MDFI: variants seen among roughly 807,000 people sequenced by gnomAD.
The protein encoded by MDFI is inhibitor of MyoD family a.
In MDFI, 16 loss-of-function variants were observed where a neutral mutation model predicts 22.3. The ratio of observed to expected loss-of-function variants is 0.72; its 90% CI spans 0.49 to 1.09. MDFI has a LOEUF of 1.09. Among genes scored for constraint, MDFI ranks in the 50% least tolerant of loss-of-function variants. The pLI, the probability that MDFI is intolerant of heterozygous loss-of-function variation, is 0.00. For synonymous variants in MDFI, 145 were observed against 142.7 expected, an observed-to-expected ratio of 1.02 and a Z score of -0.12; for missense variants, 314 against 326.1, an observed-to-expected ratio of 0.96 and a Z score of 0.29.
upstream of MDFI, among the ~76,000 whole-genome samples, chr6:41,637,589 G>T (rs1767684307): frequency 6.6e-6 from 1 of 152,096 alleles, no homozygotes; most frequent in South Asian, 2.1e-4. The surrounding 1 kb of genome is among the most constrained non-coding windows in gnomAD (Gnocchi z 6.8). Flanking sequence ...CATTCTCGGG[G>T]ACCAGGTTCC....
At chr6:41,637,431 T>G (rs767690063), upstream of MDFI, among the ~76,000 whole-genome samples, 9 of 151,866 alleles carry the variant, frequency 5.9e-5, no homozygotes, top group Non-Finnish European at 1.0e-4. This position sits in a 1 kb window ranked among gnomAD's most constrained non-coding sequence, Gnocchi z 6.8. Context: ...TCACTGGCCC[T>G]CGTGGCGGGG....
At chr6:41,651,150 G>C (rs1768258178) in intron 4 of MDFI, among the ~76,000 whole-genome samples, 1 of 131,152 alleles carries the variant, frequency 7.6e-6, no homozygotes, top group Non-Finnish European at 1.7e-5. Context: ...TTGCACTCCA[G>C]CCTGGGCAAC....
chr6:41,638,469 G>A lies in MDFI; in HGVS notation c.-195G>A. 1 of 481,416 alleles carries A rather than the reference G, an allele frequency of 2.1e-6. No homozygotes were observed. The highest frequency in any genetic ancestry group is 3.7e-6 in the Non-Finnish European group (1 of 271,996). The allele number at this position is 481,416 out of a possible 1,614,324, so 29.8% of individuals were successfully genotyped here. On this transcript the variant is annotated 5_prime_UTR_variant, in exon 1 of 5. Coordinates refer to ENST00000230321, the MANE Select transcript of MDFI (RefSeq NM_005586.4). The surrounding 1 kb of genome is among the most constrained non-coding windows in gnomAD (Gnocchi z 7.6). Reference sequence around the variant, plus strand: ...AGGGGGGCTGGAGGGAGAGAAGGAAGAAGGAAGGGGCGAACGGCGTGAGCT... The same window carrying A: ...AGGGGGGCTGGAGGGAGAGAAGGAAAAAGGAAGGGGCGAACGGCGTGAGCT...
intron 4 of MDFI, among the ~76,000 whole-genome samples, chr6:41,652,449 A>C (rs532355468): frequency 4.6e-5 from 7 of 152,300 alleles, no homozygotes; most frequent in Admixed American, 1.3e-4. Context: ...GCCAGGATCC[A>C]ACAGGTATTT....
intron 2 of MDFI, among the ~76,000 whole-genome samples, chr6:41,644,577 A>G (rs1767977852): frequency 6.6e-6 from 1 of 152,114 alleles, no homozygotes; most frequent in Non-Finnish European, 1.5e-5. Flanking sequence ...CTCTGGGCCC[A>G]GGGAGGCAGC....
chr6:41,639,093 CACACAA>C, intron 2 of MDFI: 1 of 466,584 alleles, frequency 2.1e-6, no homozygotes, highest in Non-Finnish European at 2.7e-6. Flanking sequence ...CACACACACA[CACACAA>C]ACACACACAC....
Position 41,638,879 on chromosome 6 carries a change from G to A in MDFI, c.76+54G>A, listed in dbSNP as rs1767737467. 6 of 1,502,102 alleles carry A rather than the reference G, an allele frequency of 4.0e-6. No individual in the cohort carries two copies. The South Asian group carries it at 6.1e-5, about 15-fold the overall frequency. The allele number at this position is 1,502,102 out of a possible 1,614,324, so 93.0% of individuals were successfully genotyped here. ...GACAGGGGCGGGTGGGCGGCTGAAG[G>A]GGCCAGTTATTAGTTCTCCTCTCCG... On this transcript the variant is annotated intron_variant, in intron 2 of 4. Transcript: ENST00000230321. The surrounding 1 kb of genome is among the most constrained non-coding windows in gnomAD (Gnocchi z 7.6).
intron 4 of MDFI, among the ~76,000 whole-genome samples, chr6:41,652,720 G>A (rs1214868476): frequency 1.3e-5 from 2 of 149,216 alleles, no homozygotes; most frequent in African/African-American, 2.5e-5. Context: ...GGGTTCAAGC[G>A]ATTCTCCTGC....
intron 2 of MDFI, among the ~76,000 whole-genome samples, chr6:41,645,464 C>T (rs978957621): frequency 6.6e-6 from 1 of 152,112 alleles, no homozygotes; most frequent in Non-Finnish European, 1.5e-5. Flanking sequence ...TGTAGCCCCT[C>T]CCTGCTCCTC....
At chr6:41,646,375 A>C in intron 3 of MDFI, 67 bp downstream of exon 3, 2 of 1,321,676 alleles carry the variant, frequency 1.5e-6, no homozygotes, top group Non-Finnish European at 2.0e-6. Context: ...CTCAACCCAA[A>C]TGGGTCGGCA....
chr6:41,650,573 CT>C (rs34897556), intron 4 of MDFI, among the ~76,000 whole-genome samples: 1,690 of 129,618 alleles, frequency 0.013, 9 homozygotes, highest in African/African-American at 0.027. Flanking sequence ...AGTCTTTTTC[CT>C]TTTTTTTTTT....
chr6:41,643,648 A>AT (rs1244468399), intron 2 of MDFI, among the ~76,000 whole-genome samples: 1 of 145,504 alleles, frequency 6.9e-6, no homozygotes, highest in Non-Finnish European at 1.5e-5. Context: ...CAAACTACTC[A>AT]TTAAAAAAAA....
intron 4 of MDFI, 94 bp downstream of exon 4, chr6:41,649,937 C>A: frequency 1.8e-6 from 2 of 1,082,726 alleles, no homozygotes; most frequent in African/African-American, 1.6e-5. Flanking sequence ...CTTCACCAGG[C>A]TGTTACTTAG....
chr6:41,640,213 T>C (rs1368257473), intron 2 of MDFI, among the ~76,000 whole-genome samples: 1 of 152,190 alleles, frequency 6.6e-6, no homozygotes. Flanking sequence ...GCCTCCTTCC[T>C]GCCTCCTCCC....
At position 41,649,768 on chromosome 6, in the gene MDFI, G is replaced by A. The variant is rs767995449; in HGVS notation, c.409G>A (p.Ala137Thr). The A allele has an allele frequency of 5.0e-6, 8 of 1,613,940 alleles. No individual in the cohort carries two copies. The highest frequency in any genetic ancestry group is 3.3e-5 in the Admixed American group (2 of 59,990). The stretch of plus-strand genomic sequence containing the variant: ...GAAGTTGCAGACACACCCATCTCTC[G>A]CCAGCCAGGGCAGCAAGAAGAGTAA... ...HRKLQTHPSL[A>T]SQGSKKSKSS... is the part of the protein sequence containing the mutation. Residue 137 changes from alanine (A) to threonine (T), a missense_variant, in exon 4 of 5, where the codon GCC becomes ACC. Ala to Thr is a moderately conservative substitution (Grantham distance 58). Transcript: ENST00000230321.
At position 41,653,387 on chromosome 6, in the gene MDFI, G is replaced by A. The variant is rs761892187; in HGVS notation, c.553G>A (p.Asp185Asn). 6.2e-7 allele frequency: 1 copy of A among 1,611,592 alleles called. No individual in the cohort carries two copies. Among genetic ancestry groups the A allele is most frequent in the Non-Finnish European group, 8.5e-7 (1 of 1,180,010 alleles). Residue 185 changes from aspartate to asparagine, a missense_variant, in exon 5 of 5, where the codon GAC (aspartate) becomes AAC (asparagine). Physicochemically the swap from Asp to Asn is conservative, Grantham distance 23 (BLOSUM62 1). Transcript: ENST00000230321. This position sits in a 1 kb window ranked among gnomAD's most constrained non-coding sequence, Gnocchi z 4.2. Reference protein sequence around the residue: ...EFLTLCNIVLDCATCGSCSSE... With the variant: ...EFLTLCNIVLNCATCGSCSSE... Reference sequence around the variant, plus strand: ...CCTGACGCTGTGCAACATCGTCCTGGACTGCGCCACCTGTGGCTCCTGCAG... The same window carrying A: ...CCTGACGCTGTGCAACATCGTCCTGAACTGCGCCACCTGTGGCTCCTGCAG...
In MDFI at chr6:41,653,606, C is replaced by G; in HGVS notation, c.*31C>G. 1 of 1,596,662 alleles carries G rather than the reference C, an allele frequency of 6.3e-7. No individual in the cohort carries two copies. Among genetic ancestry groups the G allele is most frequent in the South Asian group, 1.1e-5 (1 of 90,986 alleles). ...TGTCGGGGGCTAAGCCAGCCTGGCG[C>G]CCCTGCAGATTCCAGCAGGGTCCCT... On this transcript the variant is annotated 3_prime_UTR_variant, in exon 5 of 5. Coordinates refer to ENST00000230321, the MANE Select transcript of MDFI (RefSeq NM_005586.4). This position sits in a 1 kb window ranked among gnomAD's most constrained non-coding sequence, Gnocchi z 4.2.
Position 41,638,890 on chromosome 6 carries a change from T to C in MDFI, c.76+65T>C. 2 of 1,464,334 alleles carry C rather than the reference T, an allele frequency of 1.4e-6. No individual in the cohort carries two copies. The highest frequency in any genetic ancestry group is 2.1e-5 in the Admixed American group (1 of 46,860). 90.7% of individuals were successfully genotyped at this position (1,464,334 alleles called of 1,614,324 possible). A position where few individuals can be genotyped will look rare whatever the true frequency, so the allele number is the denominator to read the frequency against. Reference sequence around the variant, plus strand: ...GTGGGCGGCTGAAGGGGCCAGTTATTAGTTCTCCTCTCCGTCCCCAGACGC... The same window carrying C: ...GTGGGCGGCTGAAGGGGCCAGTTATCAGTTCTCCTCTCCGTCCCCAGACGC... On this transcript the variant is annotated intron_variant, in intron 2 of 4. Transcript: ENST00000230321. This position sits in a 1 kb window ranked among gnomAD's most constrained non-coding sequence, Gnocchi z 7.6.
intron 2 of MDFI, among the ~76,000 whole-genome samples, chr6:41,641,760 C>T (rs1047540660): frequency 2.6e-5 from 4 of 152,320 alleles, no homozygotes; most frequent in Non-Finnish European, 5.9e-5. Flanking sequence ...ACACAGGCCT[C>T]TCTCCACACC....
Sources: gnomAD v4.1 joint callset for allele counts (sites outside exome capture counted in the v4.1 genomes callset) on GRCh38, gnomAD v4.1.1 for gene constraint, Gnocchi (gnomAD v3.1) non-coding constraint, MANE v1.5 for transcripts, NCBI Gene and HGNC (gene_info 2026-07-23, HGNC 2026-07-21) for gene names.